CHN1: variants seen among roughly 807,000 people sequenced by gnomAD.
The protein encoded by CHN1 is N-chimaerin.
In CHN1, 37 loss-of-function variants were observed where a neutral mutation model predicts 59.5. The observed-to-expected ratio is 0.62, with a 90% CI of 0.48 to 0.82. The LOEUF is 0.82. CHN1 is among the 40% of genes least tolerant of loss of function. CHN1 has a pLI of 0.00. For missense variants in CHN1, 469 were observed against 571.0 expected (o/e 0.82, Z 1.82); for synonymous variants, 206 against 200.4 (o/e 1.03, Z -0.24).
At chr2:174,950,634 A>G (rs1353103431) in intron 2 of CHN1, among the ~76,000 whole-genome samples, 1 of 152,158 alleles carries the variant, frequency 6.6e-6, no homozygotes, top group African/African-American at 2.4e-5. Flanking sequence ...ACATTTACTA[A>G]TTGATATTTT....
At chr2:174,865,567 G>A (rs1361860332) in intron 6 of CHN1, among the ~76,000 whole-genome samples, 3 of 152,180 alleles carry the variant, frequency 2.0e-5, no homozygotes, top group Non-Finnish European at 2.9e-5. Flanking sequence ...GAAGTACTTC[G>A]CACAGCTTCT....
chr2:174,925,269 T>TA (rs1157948779), intron 3 of CHN1, among the ~76,000 whole-genome samples: 1 of 152,050 alleles, frequency 6.6e-6, no homozygotes, highest in South Asian at 2.1e-4. Context: ...AACATTGAAA[T>TA]AGAGATTATA....
chr2:174,971,250 G>A (rs956249775), intron 1 of CHN1, among the ~76,000 whole-genome samples: 3 of 152,136 alleles, frequency 2.0e-5, no homozygotes, highest in African/African-American at 2.4e-5. Context: ...CCCGGGAGGC[G>A]GAGCTTGCAG....
chr2:174,981,139 G>A (rs183820291), intron 1 of CHN1, among the ~76,000 whole-genome samples: 1 of 152,116 alleles, frequency 6.6e-6, no homozygotes, highest in African/African-American at 2.4e-5. Flanking sequence ...TATTGAGAAA[G>A]CTAACCTGGA....
In CHN1 at chr2:174,812,913, G is replaced by A. The variant is rs147548438; in HGVS notation, c.713-431C>T. On this transcript the variant is annotated intron_variant, in intron 8 of 12. Transcript: ENST00000409900. ...GACCTCCAAAAGTAGGAATATCCAG[G>A]GCCCTCTTAAAATGGTGCTGCTCAT... Among the ~76,000 whole-genome samples the A allele has an allele frequency of 4.5e-3, 677 of 152,092 alleles. 6 individuals carry two copies. The highest frequency in any genetic ancestry group is 0.015 in the African/African-American group (637 of 41,492).
chr2:174,858,597 G>A (rs1263607627), intron 6 of CHN1, among the ~76,000 whole-genome samples: 2 of 152,044 alleles, frequency 1.3e-5, no homozygotes, highest in Non-Finnish European at 2.9e-5. Flanking sequence ...AAAGTAGCTT[G>A]CTTTTGGGCA....
At chr2:174,879,045 T>C (rs1319834539) in intron 5 of CHN1, among the ~76,000 whole-genome samples, 2 of 152,218 alleles carry the variant, frequency 1.3e-5, no homozygotes, top group Non-Finnish European at 2.9e-5. Flanking sequence ...GAGCTGCCAG[T>C]GTAATGGTCT....
At chr2:174,893,902 T>C (rs1466671501) in intron 5 of CHN1, among the ~76,000 whole-genome samples, 2 of 152,120 alleles carry the variant, frequency 1.3e-5, no homozygotes, top group Non-Finnish European at 2.9e-5. Flanking sequence ...ACAAACAGTG[T>C]TGGGAAATCT....
chr2:174,812,629 CAAT>C, intron 8 of CHN1, 147 bp from the exon 9 acceptor site: 2 of 658,480 alleles, frequency 3.0e-6, no homozygotes, highest in Admixed American at 6.0e-5. Context: ...GGTGGAAAAA[CAAT>C]AATTTTCATC....
chr2:174,899,268 T>A lies in CHN1; in HGVS notation c.260+15790A>T, dbSNP rs79564179. Among the ~76,000 whole-genome samples the A allele has an allele frequency of 5.9e-5, 9 of 152,278 alleles. No individual in the cohort carries two copies. The East Asian group carries it at 1.7e-3, about 29-fold the overall frequency. On this transcript the variant is annotated intron_variant, in intron 5 of 12. Coordinates refer to ENST00000409900, the MANE Select transcript of CHN1 (RefSeq NM_001822.7). ...AGAAAGAGTCACAGTATAGGTAAGT[T>A]TAAAAATCAGCAATAAAAATAGTAG...
At chr2:174,856,796 T>C (rs1686912909) in intron 6 of CHN1, among the ~76,000 whole-genome samples, 1 of 152,196 alleles carries the variant, frequency 6.6e-6, no homozygotes, top group Non-Finnish European at 1.5e-5. Context: ...AAAAGGTTCA[T>C]ACTCATTTAG....
intron 6 of CHN1, chr2:174,847,745 T>TGTAA (rs759287161): frequency 1.0e-4 from 66 of 647,904 alleles, no homozygotes; most frequent in East Asian, 1.3e-4. Flanking sequence ...CCTCCTCTCA[T>TGTAA]GTAAGTAAGT....
At chr2:174,923,300 C>A (rs1689071902) in intron 3 of CHN1, among the ~76,000 whole-genome samples, 1 of 152,134 alleles carries the variant, frequency 6.6e-6, no homozygotes, top group African/African-American at 2.4e-5. Flanking sequence ...GCCACCATGC[C>A]TGGCTAATTT....
chr2:174,821,549 G>T (rs960964035), intron 8 of CHN1, among the ~76,000 whole-genome samples: 3 of 152,200 alleles, frequency 2.0e-5, no homozygotes, highest in African/African-American at 7.2e-5. Flanking sequence ...GAGATGATTA[G>T]CTTATGAGGG....
chr2:174,947,883 C>T (rs74413419), intron 2 of CHN1, among the ~76,000 whole-genome samples: 4,538 of 152,260 alleles, frequency 0.03, 110 homozygotes, highest in Non-Finnish European at 0.043. Context: ...AGGTCTAATT[C>T]AGGTCCTTCT....
intron 1 of CHN1, among the ~76,000 whole-genome samples, chr2:174,958,940 T>C (rs1690308767): frequency 6.6e-6 from 1 of 152,206 alleles, no homozygotes; most frequent in African/African-American, 2.4e-5. Context: ...ACCTGCTCTG[T>C]TATAAAAGAC....
chr2:174,963,356 G>C (rs957088858), intron 1 of CHN1, among the ~76,000 whole-genome samples: 1 of 152,230 alleles, frequency 6.6e-6, no homozygotes, highest in African/African-American at 2.4e-5. Context: ...TGGAAGGAAA[G>C]AAGGAATCAC....
intron 1 of CHN1, among the ~76,000 whole-genome samples, chr2:174,990,469 C>T (rs1391742554): frequency 1.3e-5 from 2 of 152,058 alleles, no homozygotes; most frequent in Admixed American, 6.6e-5. Flanking sequence ...CAACCTGTCC[C>T]GCCCCTGCAA....
intron 11 of CHN1, among the ~76,000 whole-genome samples, 167 bp downstream of exon 11, chr2:174,808,738 A>C (rs1684983050): frequency 6.6e-6 from 1 of 152,256 alleles, no homozygotes; most frequent in Admixed American, 6.5e-5. Flanking sequence ...AAGTCATAAA[A>C]TAATCTACGT....
Sources: allele counts gnomAD v4.1 joint callset (sites outside exome capture counted in the v4.1 genomes callset), GRCh38; gene constraint gnomAD v4.1.1; transcripts MANE v1.5; gene names NCBI Gene and HGNC (gene_info 2026-07-23, HGNC 2026-07-21).